Variants in CAPN13 observed in about 807,000 individuals in gnomAD.
CAPN13 encodes calpain-13.
Under a neutral mutation model 98.4 loss-of-function variants are expected in CAPN13, and 90 were observed. The observed-to-expected ratio is 0.92, with a 90% confidence interval of 0.77 to 1.09. The LOEUF (loss-of-function observed/expected upper bound fraction) is 1.09. Among genes scored for constraint, CAPN13 ranks in the 50% least tolerant of loss-of-function variants. The pLI, the probability that CAPN13 is intolerant of heterozygous loss-of-function variation, is 0.00. For missense variants in CAPN13, 887 were observed against 841.3 expected (o/e 1.05, Z -0.67); for synonymous variants, 330 against 305.5 (o/e 1.08, Z -0.84).
chr2:30,728,036 T>C (rs981934981), intron 22 of CAPN13, among the ~76,000 whole-genome samples: 1 of 151,676 alleles, frequency 6.6e-6, no homozygotes, highest in Admixed American at 6.6e-5. Flanking sequence ...TTACGCTAAG[T>C]GAAAGAAGCC....
chr2:30,781,106 G>A (rs763694937), intron 2 of CAPN13, among the ~76,000 whole-genome samples: 1 of 152,244 alleles, frequency 6.6e-6, no homozygotes, highest in African/African-American at 2.4e-5. Flanking sequence ...GTCATTCAGA[G>A]ATAGCGTTCA....
At position 30,787,366 on chromosome 2, in the gene CAPN13, G is replaced by A. The variant is rs780570102; in HGVS notation, c.-32-9C>T. On this transcript the variant is annotated splice_polypyrimidine_tract_variant and intron_variant, in intron 1 of 22. Transcript: ENST00000295055. ...ACTTCCGAGGTCCTTTCCTGTTGGT[G>A]AGAAAAAGGGATACCTTTGGGGTAA... 4 of 1,556,622 alleles carry A rather than the reference G, an allele frequency of 2.6e-6. No homozygotes were observed. The South Asian group carries it at 3.7e-5, about 14-fold the overall frequency.
At chr2:30,734,071 A>T (rs1308621156) in intron 19 of CAPN13, among the ~76,000 whole-genome samples, 3 of 152,230 alleles carry the variant, frequency 2.0e-5, no homozygotes, top group Non-Finnish European at 4.4e-5. Context: ...GAAGAGAGAG[A>T]GCGATCATCA....
In CAPN13 at chr2:30,742,341, G is replaced by C; in HGVS notation, c.1464C>G (p.Phe488Leu). The C allele has an allele frequency of 6.2e-7, 1 of 1,604,548 alleles. No homozygotes were observed. Among genetic ancestry groups the C allele is most frequent in the South Asian group, 1.1e-5 (1 of 88,858 alleles). Residue 488 changes from phenylalanine to leucine, a missense_variant, in exon 14 of 23, where the codon TTC (phenylalanine) becomes TTG (leucine). Phe to Leu is a conservative substitution (Grantham distance 22). Transcript: ENST00000295055. Reference protein sequence around the residue: ...PDSDRHLSSHFNLRMKGSPSE... With the variant: ...PDSDRHLSSHLNLRMKGSPSE... Reference sequence around the variant, plus strand: ...GCATACCTACCTTCATTCTGAGGTTGAAATGGCTGCTCAGGTGCCTAGAAA... The same window carrying C: ...GCATACCTACCTTCATTCTGAGGTTCAAATGGCTGCTCAGGTGCCTAGAAA...
At position 30,770,308 on chromosome 2, in the gene CAPN13, C is replaced by T; in HGVS notation, c.524+5G>A. ...TGGGCTGATGGGTGGCGGGGTTGTA[C>T]TTACTTGGCATAGGCCTTCTCCAGC... On this transcript the variant is annotated splice_donor_5th_base_variant and intron_variant, in intron 5 of 22. Transcript: ENST00000295055. 1.9e-6 allele frequency: 3 copies of T among 1,613,396 alleles called. No homozygotes were observed. The highest frequency in any genetic ancestry group is 2.2e-5 in the East Asian group (1 of 44,872).
intron 13 of CAPN13, 125 bp downstream of exon 13, chr2:30,743,258 A>G (rs1671745806): frequency 1.1e-6 from 1 of 875,302 alleles, no homozygotes; most frequent in Non-Finnish European, 1.9e-6. Flanking sequence ...GAGTGGGGCC[A>G]ATATCATGTC....
At chr2:30,779,426 A>G (rs1673874802) in intron 2 of CAPN13, among the ~76,000 whole-genome samples, 1 of 152,216 alleles carries the variant, frequency 6.6e-6, no homozygotes, top group South Asian at 2.1e-4. Context: ...AATGGCTGTC[A>G]TTCATCAAAC....
At chr2:30,776,729 C>T (rs549679657) in intron 3 of CAPN13, among the ~76,000 whole-genome samples, 1 of 152,276 alleles carries the variant, frequency 6.6e-6, no homozygotes, top group African/African-American at 2.4e-5. Flanking sequence ...GCCTCTCCTC[C>T]CCTCCCTGAG....
intron 7 of CAPN13, among the ~76,000 whole-genome samples, chr2:30,759,249 CCTTT>C (rs1193987912): frequency 2.0e-5 from 3 of 151,822 alleles, no homozygotes; most frequent in South Asian, 2.1e-4. Context: ...TTTCCTCCTT[CCTTT>C]CTTTTCTTCC....
chr2:30,790,821 T>C (rs145927845), intron 1 of CAPN13, among the ~76,000 whole-genome samples: 183 of 152,356 alleles, frequency 1.2e-3, no homozygotes, highest in Non-Finnish European at 2.0e-3. Flanking sequence ...ACAGGATTTA[T>C]TTCTCACAGT....
At chr2:30,758,666 G>C (rs1463837591) in intron 7 of CAPN13, among the ~76,000 whole-genome samples, 1 of 152,178 alleles carries the variant, frequency 6.6e-6, no homozygotes, top group African/African-American at 2.4e-5. Context: ...GATAGCCAAG[G>C]CTAGCCCTCC....
At chr2:30,772,978 A>C (rs1349719513) in intron 4 of CAPN13, among the ~76,000 whole-genome samples, 1 of 152,178 alleles carries the variant, frequency 6.6e-6, no homozygotes, top group African/African-American at 2.4e-5. Context: ...GGCATGCGCC[A>C]CCACGCCCAG....
intron 20 of CAPN13, 147 bp from the exon 21 acceptor site, chr2:30,731,546 C>T (rs1298382802): frequency 3.1e-6 from 2 of 645,238 alleles, no homozygotes; most frequent in African/African-American, 1.9e-5. Context: ...TGTCACCCAT[C>T]CTTTTCTCTG....
At chr2:30,752,234 G>A (rs1672207202) in intron 10 of CAPN13, among the ~76,000 whole-genome samples, 1 of 152,208 alleles carries the variant, frequency 6.6e-6, no homozygotes, top group Non-Finnish European at 1.5e-5. Flanking sequence ...CCGACAGGCA[G>A]GTGCCCAGAG....
intron 20 of CAPN13, among the ~76,000 whole-genome samples, chr2:30,731,828 C>CT (rs1221925939): frequency 6.6e-6 from 1 of 152,222 alleles, no homozygotes; most frequent in African/African-American, 2.4e-5. Flanking sequence ...GTGTCTCAAT[C>CT]TTTTTGCCCA....
chr2:30,744,615 C>A (rs1572803669), intron 12 of CAPN13, among the ~76,000 whole-genome samples: 1 of 152,162 alleles, frequency 6.6e-6, no homozygotes, highest in Non-Finnish European at 1.5e-5. Flanking sequence ...AGTCTCCCTG[C>A]TCACCCGTTA....
chr2:30,752,782 C>T (rs1672240865), intron 10 of CAPN13, among the ~76,000 whole-genome samples: 1 of 152,222 alleles, frequency 6.6e-6, no homozygotes, highest in Admixed American at 6.5e-5. Context: ...CCACTCTCCT[C>T]CCAGGAAGCG....
Position 30,787,123 on chromosome 2 carries a change from C to T in CAPN13, c.198+5G>A, listed in dbSNP as rs1276392828. The T allele has an allele frequency of 7.1e-6, 11 of 1,551,918 alleles. No homozygotes were observed. The highest frequency in any genetic ancestry group is 1.4e-5 in the African/African-American group (1 of 73,370). On this transcript the variant is annotated splice_donor_5th_base_variant and intron_variant, in intron 2 of 22. Coordinates refer to ENST00000295055, the MANE Select transcript of CAPN13 (RefSeq NM_144575.3). ...GCTGGGTATGCTCGTGTGGGGCTCA[C>T]TCACCTGTGGCCGCTTCCATATCAC...
At chr2:30,757,595 C>T (rs1672519751) in intron 8 of CAPN13, among the ~76,000 whole-genome samples, 1 of 152,198 alleles carries the variant, frequency 6.6e-6, no homozygotes, top group South Asian at 2.1e-4. Context: ...ACCTTTTCCA[C>T]CCTGATGATG....
Sources: allele counts gnomAD v4.1 joint callset (sites outside exome capture counted in the v4.1 genomes callset), GRCh38; gene constraint gnomAD v4.1.1; transcripts MANE v1.5; gene names NCBI Gene and HGNC (gene_info 2026-07-23, HGNC 2026-07-21).